Variants in SP3 observed in about 807,000 individuals in gnomAD.
The protein encoded by SP3 is Sp3 transcription factor, also known as transcription factor Sp3.
SP3 carries 10 observed loss-of-function variants against 70.3 expected under a neutral mutation model. The ratio of observed to expected loss-of-function variants is 0.14; its 90% CI spans 0.09 to 0.24. SP3 has a LOEUF of 0.24. Ranked by LOEUF, SP3 falls within the 10% of genes least tolerant of loss-of-function variation. The pLI, the probability that SP3 is intolerant of heterozygous loss-of-function variation, is 1.00. For missense variants in SP3, 825 were observed against 914.6 expected, an observed-to-expected ratio of 0.90 and a Z score of 1.26; for synonymous variants, 402 against 333.5, an observed-to-expected ratio of 1.21 and a Z score of -2.24.
chr2:173,948,891 A>C (rs975667729), intron 4 of SP3, among the ~76,000 whole-genome samples: 1 of 152,184 alleles, frequency 6.6e-6, no homozygotes, highest in Non-Finnish European at 1.5e-5. Context: ...TGCAATACAT[A>C]CATGATTCAC....
intron 4 of SP3, among the ~76,000 whole-genome samples, chr2:173,947,991 T>C (rs542080106): frequency 6.6e-6 from 1 of 152,242 alleles, no homozygotes; most frequent in South Asian, 2.1e-4. Context: ...CATCGTCTCA[T>C]CTCCGTAAAT....
At chr2:173,912,406 G>C (rs1689510398) in intron 6 of SP3, among the ~76,000 whole-genome samples, 1 of 152,192 alleles carries the variant, frequency 6.6e-6, no homozygotes, top group Non-Finnish European at 1.5e-5. Context: ...TCTAGGGATT[G>C]TAAATACATA....
rs1019590391 is a variant in SP3 at position 173,905,741 on chromosome 2, A to G, written c.*4200T>C. On this transcript the variant is annotated 3_prime_UTR_variant, in exon 7 of 7. Coordinates refer to ENST00000310015, the MANE Select transcript of SP3 (RefSeq NM_003111.5). ...TGGCCAAGCGTGGTGGCTCACGCCT[A>G]TAATCCCAACACTTTGGGAGGCAGA... Among the ~76,000 whole-genome samples, 2 of 152,114 alleles carry G rather than the reference A, an allele frequency of 1.3e-5. No homozygotes were observed. Among genetic ancestry groups the G allele is most frequent in the African/African-American group, 2.4e-5 (1 of 41,416 alleles).
In SP3 at chr2:173,908,627, G is replaced by A. The variant is rs1447797602; in HGVS notation, c.*1314C>T. On this transcript the variant is annotated 3_prime_UTR_variant, in exon 7 of 7. Coordinates refer to ENST00000310015, the MANE Select transcript of SP3 (RefSeq NM_003111.5). Reference sequence around the variant, plus strand: ...GCCTTTAAATTTGAGGTGGTCTTAAGAATAACAAATGAACAGAATTCCAAA... The same window carrying A: ...GCCTTTAAATTTGAGGTGGTCTTAAAAATAACAAATGAACAGAATTCCAAA... 6.6e-6 allele frequency: 1 copy of A among 152,346 alleles called. No homozygotes were observed. Among genetic ancestry groups the A allele is most frequent in the Non-Finnish European group, 1.5e-5 (1 of 67,878 alleles). The allele number at this position is 152,346 out of a possible 1,614,324, so 9.4% of individuals were successfully genotyped here.
chr2:173,922,432 T>C (rs983702827), intron 4 of SP3, among the ~76,000 whole-genome samples: 6 of 152,020 alleles, frequency 3.9e-5, no homozygotes, highest in Admixed American at 6.5e-5. Flanking sequence ...TGAATGCCTA[T>C]TGAATATCCA....
chr2:173,932,008 T>A (rs1425500506), intron 4 of SP3, among the ~76,000 whole-genome samples: 1 of 152,240 alleles, frequency 6.6e-6, no homozygotes, highest in Non-Finnish European at 1.5e-5. Context: ...CAAGAACTTT[T>A]CCTTTGCATT....
At chr2:173,964,967 G>T in intron 1 of SP3, 198 bp downstream of exon 1, 1 of 648,236 alleles carries the variant, frequency 1.5e-6, no homozygotes, top group Non-Finnish European at 2.5e-6. Context: ...CGGGGAGACG[G>T]CGTTGCTGGG....
At chr2:173,912,766 T>C (rs1312837619) in intron 6 of SP3, among the ~76,000 whole-genome samples, 1 of 152,182 alleles carries the variant, frequency 6.6e-6, no homozygotes, top group Non-Finnish European at 1.5e-5. Context: ...GAGTAAAAGC[T>C]GACAACTAAT....
In SP3 at chr2:173,956,894, T is replaced by A. The variant is rs115212010; in HGVS notation, c.280-662A>T. On this transcript the variant is annotated intron_variant, in intron 3 of 6. Coordinates refer to ENST00000310015, the MANE Select transcript of SP3 (RefSeq NM_003111.5). ...AGCTGGAGGATACACACTGTGACTTTACTTACTAGTCTAAGTTTTCAGTAG... is the reference window on the plus strand; with the variant it reads ...AGCTGGAGGATACACACTGTGACTTAACTTACTAGTCTAAGTTTTCAGTAG... 4.8e-3 allele frequency among the ~76,000 whole-genome samples: 730 copies of A among 152,328 alleles called. 2 individuals are homozygous for A. Among genetic ancestry groups the A allele is most frequent in the African/African-American group, 0.017 (698 of 41,578 alleles).
chr2:173,950,996 T>C (rs1690695302), intron 4 of SP3, among the ~76,000 whole-genome samples: 1 of 152,246 alleles, frequency 6.6e-6, no homozygotes, highest in South Asian at 2.1e-4. Flanking sequence ...GTATTTATTT[T>C]ACCCTTCCTG....
At chr2:173,956,605 G>A (rs1690901312) in intron 3 of SP3, among the ~76,000 whole-genome samples, 1 of 152,178 alleles carries the variant, frequency 6.6e-6, no homozygotes. Flanking sequence ...GGAAACATAA[G>A]CATAGTGTAT....
intron 2 of SP3, 41 bp from the exon 3 acceptor site, chr2:173,963,924 G>A (rs746685481): frequency 2.3e-5 from 31 of 1,376,616 alleles, no homozygotes; most frequent in African/African-American, 4.6e-5. Context: ...GACAGGGGGA[G>A]GGGGTGGCGG....
At chr2:173,953,011 G>A (rs72913015) in intron 4 of SP3, among the ~76,000 whole-genome samples, 29,810 of 152,192 alleles carry the variant, frequency 0.2, 3,119 homozygotes, top group Middle Eastern at 0.27. Flanking sequence ...TACAACCAGT[G>A]AATTGTATAA....
intron 4 of SP3, 62 bp from the exon 5 acceptor site, chr2:173,918,847 T>G: frequency 7.3e-7 from 1 of 1,370,230 alleles, no homozygotes; most frequent in East Asian, 2.4e-5. Context: ...AAAGACAGCA[T>G]GAAATTACAT....
intron 4 of SP3, among the ~76,000 whole-genome samples, chr2:173,947,561 C>A (rs1046690744): frequency 6.6e-6 from 1 of 152,032 alleles, no homozygotes; most frequent in Non-Finnish European, 1.5e-5. Flanking sequence ...ATTGTTTTTC[C>A]GTATTTATTG....
intron 4 of SP3, among the ~76,000 whole-genome samples, chr2:173,953,037 G>T (rs1690759374): frequency 6.6e-6 from 1 of 152,332 alleles, no homozygotes; most frequent in South Asian, 2.1e-4. Context: ...GAGTTTTACG[G>T]TATGTGAGTT....
chr2:173,960,863 T>G (rs182157336), intron 3 of SP3, among the ~76,000 whole-genome samples: 1 of 151,540 alleles, frequency 6.6e-6, no homozygotes, highest in Non-Finnish European at 1.5e-5. Context: ...GTCGTCCCAG[T>G]TACTCGGGAG....
At position 173,902,554 on chromosome 2, in the gene SP3, A is replaced by G. The variant is rs192567644; in HGVS notation, c.*7387T>C. 7.2e-5 allele frequency among the ~76,000 whole-genome samples: 11 copies of G among 152,344 alleles called. No individual in the cohort carries two copies. Among genetic ancestry groups the G allele is most frequent in the Admixed American group, 2.0e-4 (3 of 15,312 alleles). On this transcript the variant is annotated 3_prime_UTR_variant, in exon 7 of 7. Coordinates refer to ENST00000310015, the MANE Select transcript of SP3 (RefSeq NM_003111.5). Reference sequence around the variant, plus strand: ...CATTGCAGCATTGTTTATAAGTCAAAAATTGGAAATAACTGAGATGCTCAT... The same window carrying G: ...CATTGCAGCATTGTTTATAAGTCAAGAATTGGAAATAACTGAGATGCTCAT...
chr2:173,951,551 A>G (rs1487396734), intron 4 of SP3, among the ~76,000 whole-genome samples: 1 of 152,214 alleles, frequency 6.6e-6, no homozygotes, highest in Admixed American at 6.5e-5. Flanking sequence ...GAAGACATTT[A>G]AAGTCTCAGA....
Sources: gnomAD v4.1 joint callset for allele counts (sites outside exome capture counted in the v4.1 genomes callset) on GRCh38, gnomAD v4.1.1 for gene constraint, MANE v1.5 for transcripts, NCBI Gene and HGNC (gene_info 2026-07-23, HGNC 2026-07-21) for gene names.